Variants in MATCAP2 observed in about 807,000 individuals in gnomAD.
MATCAP2 encodes putative tyrosine carboxypeptidase MATCAP2.
the MATCAP2 span, among the ~76,000 whole-genome samples, chr7:36,368,660 A>G: frequency 1.3e-5 from 2 of 152,058 alleles, no homozygotes; most frequent in Admixed American, 1.3e-4. Flanking sequence ...AGATCATGTC[A>G]CTCTGTTCAA....
At chr7:36,334,978 T>C in the MATCAP2 span, 1 of 1,461,134 alleles carries the variant, frequency 6.8e-7, no homozygotes, top group African/African-American at 1.4e-5. Flanking sequence ...AAACCCCTTC[T>C]AAAAGAACAT....
At chr7:36,359,669 T>C in the MATCAP2 span, among the ~76,000 whole-genome samples, 1 of 152,198 alleles carries the variant, frequency 6.6e-6, no homozygotes, top group African/African-American at 2.4e-5. Context: ...CAATAAATGT[T>C]AAAGACTCAA....
the MATCAP2 span, chr7:36,324,280 T>C: frequency 2.0e-5 from 3 of 152,168 alleles, no homozygotes; most frequent in African/African-American, 2.4e-5. Flanking sequence ...CCCAAAGATA[T>C]ACAAAACAAA....
At chr7:36,352,831 A>G in the MATCAP2 span, among the ~76,000 whole-genome samples, 2 of 151,938 alleles carry the variant, frequency 1.3e-5, no homozygotes, top group Non-Finnish European at 2.9e-5. Flanking sequence ...ATCTCAAAAA[A>G]AAAAAAAAAA....
the MATCAP2 span, among the ~76,000 whole-genome samples, chr7:36,366,046 T>C: frequency 6.6e-6 from 1 of 152,246 alleles, no homozygotes; most frequent in Non-Finnish European, 1.5e-5. Flanking sequence ...GTTTTTCAGT[T>C]AGAATGCTCA....
At chr7:36,332,237 A>G in the MATCAP2 span, among the ~76,000 whole-genome samples, 4 of 152,232 alleles carry the variant, frequency 2.6e-5, no homozygotes, top group Admixed American at 6.5e-5. Context: ...GGTACAGAGT[A>G]CTAAAATCCA....
the MATCAP2 span, among the ~76,000 whole-genome samples, chr7:36,388,955 G>A: frequency 6.6e-6 from 1 of 152,168 alleles, no homozygotes; most frequent in Non-Finnish European, 1.5e-5. Flanking sequence ...GGGACCCACC[G>A]GAACTGGCTT....
chr7:36,331,024 G>C, the MATCAP2 span: 1 of 1,613,604 alleles, frequency 6.2e-7, no homozygotes, highest in Non-Finnish European at 8.5e-7. Flanking sequence ...TGGTATCTCT[G>C]TATCGGAGGA....
At chr7:36,388,750 A>G in the MATCAP2 span, among the ~76,000 whole-genome samples, 2 of 152,176 alleles carry the variant, frequency 1.3e-5, no homozygotes, top group African/African-American at 4.8e-5. Flanking sequence ...ATTTCTTTGG[A>G]CCAGTTTCTT....
At chr7:36,357,615 C>T in the MATCAP2 span, 11 of 1,533,974 alleles carry the variant, frequency 7.2e-6, no homozygotes, top group Admixed American at 3.9e-5. Context: ...AAAATCAAAA[C>T]AAAAGAAATA....
the MATCAP2 span, among the ~76,000 whole-genome samples, chr7:36,365,967 A>G: frequency 6.6e-6 from 1 of 152,364 alleles, no homozygotes; most frequent in East Asian, 1.9e-4. Flanking sequence ...TCTACTCCGT[A>G]TAACACTGAA....
At chr7:36,357,433 T>C in the MATCAP2 span, 2 of 1,614,144 alleles carry the variant, frequency 1.2e-6, no homozygotes, top group Non-Finnish European at 1.7e-6. Context: ...CCTTGCTCTG[T>C]AGTAGGACAT....
the MATCAP2 span, among the ~76,000 whole-genome samples, chr7:36,338,223 C>T: frequency 0.97 from 147,735 of 152,186 alleles, 71,867 homozygotes; most frequent in South Asian, 1. Flanking sequence ...ATAACATAAC[C>T]TGACCTTTCC....
the MATCAP2 span, among the ~76,000 whole-genome samples, chr7:36,384,866 A>ACT: frequency 6.1e-5 from 9 of 147,134 alleles, no homozygotes; most frequent in Admixed American, 1.3e-4. Context: ...AGTGAAAAGA[A>ACT]AAAAAAAAAA....
At chr7:36,366,598 C>A in the MATCAP2 span, 1 of 1,304,548 alleles carries the variant, frequency 7.7e-7, no homozygotes, top group African/African-American at 1.5e-5. Flanking sequence ...ACACACCTAG[C>A]GTGTTTTGAA....
the MATCAP2 span, among the ~76,000 whole-genome samples, chr7:36,379,624 A>G: frequency 6.6e-6 from 1 of 152,132 alleles, no homozygotes; most frequent in Non-Finnish European, 1.5e-5. Flanking sequence ...GAATATGTAC[A>G]GTCGTGTGTT....
At chr7:36,386,774 A>G in the MATCAP2 span, among the ~76,000 whole-genome samples, 1 of 152,260 alleles carries the variant, frequency 6.6e-6, no homozygotes, top group Admixed American at 6.5e-5. Context: ...GGCAAAATTT[A>G]AAATGTATCC....
the MATCAP2 span, among the ~76,000 whole-genome samples, chr7:36,353,490 T>TTC: frequency 6.7e-6 from 1 of 150,168 alleles, no homozygotes; most frequent in East Asian, 1.9e-4. Context: ...TCTTTTTTTT[T>TTC]TTTTTTTTGA....
At chr7:36,336,697 G>T in the MATCAP2 span, among the ~76,000 whole-genome samples, 1 of 151,774 alleles carries the variant, frequency 6.6e-6, no homozygotes, top group Non-Finnish European at 1.5e-5. Flanking sequence ...GATTACCATT[G>T]CCCTTTGAAT....
Sources: gnomAD v4.1 joint callset for allele counts (sites outside exome capture counted in the v4.1 genomes callset) on GRCh38, gnomAD v4.1.1 for gene constraint, MANE v1.5 for transcripts, NCBI Gene and HGNC (gene_info 2026-07-23, HGNC 2026-07-21) for gene names.